Variants in COMMD1 observed in about 807,000 individuals in gnomAD.
COMMD1 encodes copper metabolism domain containing 1.
COMMD1 carries 10 observed loss-of-function variants against 17.2 expected under a neutral mutation model. That is an observed-to-expected ratio of 0.58 (90% CI 0.36 to 0.99). The LOEUF (loss-of-function observed/expected upper bound fraction) is 0.99, where lower values mean the gene tolerates loss of function less well. Among genes scored for constraint, COMMD1 ranks in the 50% least tolerant of loss-of-function variants. The probability of loss-of-function intolerance (pLI) is 0.01; values close to 1 mark genes in which losing one functional copy is unlikely to be tolerated. For missense variants in COMMD1, 270 were observed against 231.8 expected, an observed-to-expected ratio of 1.17 and a Z score of -1.07; for synonymous variants, 97 against 91.6, an observed-to-expected ratio of 1.06 and a Z score of -0.34.
chr2:62,066,255 G>A (rs1671036721), intron 2 of COMMD1, among the ~76,000 whole-genome samples: 1 of 151,718 alleles, frequency 6.6e-6, no homozygotes, highest in African/African-American at 2.4e-5. Context: ...CCACTACTGT[G>A]CTCTAGCCCT....
At chr2:61,961,503 A>ATATAT (rs1176440125) in intron 1 of COMMD1, among the ~76,000 whole-genome samples, 1 of 152,186 alleles carries the variant, frequency 6.6e-6, no homozygotes, top group African/African-American at 2.4e-5. Flanking sequence ...GATTTGGAAT[A>ATATAT]TATATATACT....
At chr2:61,968,943 G>GACT in intron 1 of COMMD1, 1 of 273,160 alleles carries the variant, frequency 3.7e-6, no homozygotes. Flanking sequence ...TCTTTATTTA[G>GACT]TCTTTTTTTT....
At chr2:61,944,251 A>G (rs1264188449) in intron 1 of COMMD1, among the ~76,000 whole-genome samples, 1 of 152,114 alleles carries the variant, frequency 6.6e-6, no homozygotes, top group Non-Finnish European at 1.5e-5. Flanking sequence ...CAGGAGTTCA[A>G]GACCAGCCTG....
At chr2:62,113,429 G>A (rs950280427) in intron 2 of COMMD1, among the ~76,000 whole-genome samples, 1 of 152,104 alleles carries the variant, frequency 6.6e-6, no homozygotes, top group African/African-American at 2.4e-5. Flanking sequence ...TTATTTTTGA[G>A]ACAGAGTCTC....
At chr2:61,944,052 C>T (rs1447364540) in intron 1 of COMMD1, among the ~76,000 whole-genome samples, 1 of 152,196 alleles carries the variant, frequency 6.6e-6, no homozygotes, top group African/African-American at 2.4e-5. Context: ...GCTGAGGAAA[C>T]TCAGCCTGTC....
chr2:62,019,467 A>AC (rs901517629), intron 2 of COMMD1, among the ~76,000 whole-genome samples: 2 of 151,958 alleles, frequency 1.3e-5, no homozygotes, highest in Non-Finnish European at 2.9e-5. Flanking sequence ...GAGCCACTGC[A>AC]CCCGGCCCTA....
At chr2:62,017,602 T>A (rs566433594) in intron 2 of COMMD1, among the ~76,000 whole-genome samples, 64 of 151,802 alleles carry the variant, frequency 4.2e-4, no homozygotes, top group African/African-American at 1.5e-3. Context: ...CCCAGGAGTT[T>A]GAGGCTGCAG....
intron 2 of COMMD1, among the ~76,000 whole-genome samples, chr2:62,107,581 C>A (rs115916322): frequency 1.3e-5 from 2 of 152,212 alleles, no homozygotes; most frequent in South Asian, 4.1e-4. Flanking sequence ...AAATGCCAAA[C>A]TGTCCAGTAG....
chr2:62,008,828 A>C (rs935933222), intron 2 of COMMD1, among the ~76,000 whole-genome samples: 1 of 152,136 alleles, frequency 6.6e-6, no homozygotes, highest in Non-Finnish European at 1.5e-5. Context: ...TTGCCCAGGC[A>C]GGAGTGCAGT....
At chr2:61,941,986 TTTC>T (rs1375263988) in intron 1 of COMMD1, among the ~76,000 whole-genome samples, 3 of 152,218 alleles carry the variant, frequency 2.0e-5, no homozygotes, top group African/African-American at 7.2e-5. Flanking sequence ...TGGCTTACTT[TTTC>T]TTTTTATCCA....
intron 2 of COMMD1, among the ~76,000 whole-genome samples, chr2:62,060,792 A>G (rs1467299362): frequency 6.6e-6 from 1 of 152,192 alleles, no homozygotes; most frequent in Non-Finnish European, 1.5e-5. Context: ...TGTCTTCAGC[A>G]AAAGACAGTT....
intron 2 of COMMD1, among the ~76,000 whole-genome samples, chr2:62,017,317 G>A (rs574436905): frequency 2.6e-5 from 4 of 152,136 alleles, no homozygotes; most frequent in Non-Finnish European, 5.9e-5. Flanking sequence ...CTGTGATACT[G>A]GCCTCCGTCC....
intron 2 of COMMD1, among the ~76,000 whole-genome samples, chr2:62,083,048 C>G (rs894229613): frequency 1.3e-5 from 2 of 152,114 alleles, no homozygotes; most frequent in Non-Finnish European, 2.9e-5. Context: ...GGCTTGAGCC[C>G]AGGAGTTTGA....
intron 1 of COMMD1, among the ~76,000 whole-genome samples, chr2:61,920,336 C>T (rs1434621562): frequency 2.0e-5 from 3 of 151,770 alleles, no homozygotes; most frequent in Non-Finnish European, 4.4e-5. Context: ...GTACTCTTTC[C>T]CAGGAGAAGG....
rs140971154 is a variant in COMMD1, at chr2:61,931,905, C to T, written c.180+26047C>T. Among the ~76,000 whole-genome samples, 792 of 152,296 alleles carry T rather than the reference C, an allele frequency of 5.2e-3. 11 individuals carry two copies. Among genetic ancestry groups the T allele is most frequent in the African/African-American group, 0.017 (707 of 41,562 alleles). On this transcript the variant is annotated intron_variant, in intron 1 of 2. Coordinates refer to ENST00000311832, the MANE Select transcript of COMMD1 (RefSeq NM_152516.4). The stretch of plus-strand genomic sequence containing the variant: ...GAGGAATGAGAATTTTGAGAAGATA[C>T]GTACCAAAGGAACTTTGCATTTGAG...
At chr2:62,002,684 A>C (rs538760027) in intron 2 of COMMD1, among the ~76,000 whole-genome samples, 1 of 149,618 alleles carries the variant, frequency 6.7e-6, no homozygotes, top group African/African-American at 2.5e-5. Flanking sequence ...TACAAAAACA[A>C]AACAAAACAA....
At chr2:62,078,239 CAAAAAAAAAAAAAAAAA>C (rs56320690) in intron 2 of COMMD1, among the ~76,000 whole-genome samples, 12 of 19,846 alleles carry the variant, frequency 6.0e-4, no homozygotes, top group Admixed American at 9.5e-4. Flanking sequence ...CACACCAATG[CAAAAAAAAAAAAAAAAA>C]AAAAAAAAAA....
chr2:62,004,785 TACTC>T (rs1293832732), intron 2 of COMMD1, among the ~76,000 whole-genome samples: 1 of 152,158 alleles, frequency 6.6e-6, no homozygotes, highest in Non-Finnish European at 1.5e-5. Flanking sequence ...ATTTATGAAA[TACTC>T]TACTAAATCA....
At chr2:62,008,389 C>CACATAT (rs1553378760) in intron 2 of COMMD1, among the ~76,000 whole-genome samples, 14 of 145,750 alleles carry the variant, frequency 9.6e-5, no homozygotes, top group South Asian at 2.2e-4. Flanking sequence ...CACACACACA[C>CACATAT]ATATATATTT....
Sources: allele counts gnomAD v4.1 joint callset (sites outside exome capture counted in the v4.1 genomes callset), GRCh38; gene constraint gnomAD v4.1.1; transcripts MANE v1.5; gene names NCBI Gene and HGNC (gene_info 2026-07-23, HGNC 2026-07-21).